The following GOLPH3 variants were observed in gnomAD, a reference collection of about 807,000 sequenced individuals.
GOLPH3 encodes coat protein GPP34.
In GOLPH3, 14 loss-of-function variants were observed where a neutral mutation model predicts 28.5. The observed-to-expected ratio is 0.49, with a 90% CI of 0.32 to 0.77. The LOEUF is 0.77. GOLPH3 is among the 30% of genes least tolerant of loss of function. The pLI is 0.03. For synonymous variants in GOLPH3, 158 were observed against 159.2 expected, an observed-to-expected ratio of 0.99 and a Z score of 0.06; for missense variants, 350 against 393.7, an observed-to-expected ratio of 0.89 and a Z score of 0.94.
intron 2 of GOLPH3, among the ~76,000 whole-genome samples, chr5:32,142,554 T>G: frequency 7.6e-6 from 1 of 130,752 alleles, no homozygotes; most frequent in Non-Finnish European, 1.6e-5. Flanking sequence ...TACTGGGAAG[T>G]GAGGAGCCAC....
chr5:32,174,137 C>A lies in GOLPH3; in HGVS notation c.-103G>T. The A allele has an allele frequency of 2.6e-6, 2 of 783,588 alleles. No individual in the cohort carries two copies. The highest frequency in any genetic ancestry group is 3.4e-6 in the Non-Finnish European group (2 of 581,570). The allele number at this position is 783,588 out of a possible 1,614,324, so 48.5% of individuals were successfully genotyped here. ...TCCGATCCGGGTTTCCGTGTTAAAT[C>A]CGGACGCCGGGGCGACGTCCGTCGG... On this transcript the variant is annotated 5_prime_UTR_variant, in exon 1 of 4. Coordinates refer to ENST00000265070, the MANE Select transcript of GOLPH3 (RefSeq NM_022130.4).
rs1261976964 is a variant in GOLPH3 at position 32,125,357 on chromosome 5, A to G, written c.*855T>C. 6.5e-6 allele frequency: 1 copy of G among 152,678 alleles called. No individual in the cohort carries two copies. The highest frequency in any genetic ancestry group is 1.5e-5 in the Non-Finnish European group (1 of 68,048). The allele number at this position is 152,678 out of a possible 1,614,324, so 9.5% of individuals were successfully genotyped here. ...ATAGGCAAAGAGTACCATAAATGGCACAGCTCAAAAAATCCCAGGACCAAT... is the reference window on the plus strand; with the variant it reads ...ATAGGCAAAGAGTACCATAAATGGCGCAGCTCAAAAAATCCCAGGACCAAT... On this transcript the variant is annotated 3_prime_UTR_variant, in exon 4 of 4. Coordinates refer to ENST00000265070, the MANE Select transcript of GOLPH3 (RefSeq NM_022130.4).
chr5:32,145,963 G>C (rs1746172778), intron 1 of GOLPH3, among the ~76,000 whole-genome samples: 1 of 152,088 alleles, frequency 6.6e-6, no homozygotes, highest in Non-Finnish European at 1.5e-5. Context: ...ATACCCTCCT[G>C]CTAAAATCCA....
At chr5:32,152,290 C>T (rs745456213) in intron 1 of GOLPH3, among the ~76,000 whole-genome samples, 10 of 151,722 alleles carry the variant, frequency 6.6e-5, no homozygotes, top group South Asian at 6.3e-4. Context: ...CCATGCCCGG[C>T]TAATTATTCT....
At chr5:32,159,279 T>G (rs1210571474) in intron 1 of GOLPH3, among the ~76,000 whole-genome samples, 1 of 152,258 alleles carries the variant, frequency 6.6e-6, no homozygotes, top group East Asian at 1.9e-4. Context: ...GACCTAAGTC[T>G]AAATACAAAA....
intron 1 of GOLPH3, among the ~76,000 whole-genome samples, chr5:32,156,923 A>G (rs1005553224): frequency 6.6e-6 from 1 of 152,226 alleles, no homozygotes; most frequent in Non-Finnish European, 1.5e-5. Flanking sequence ...ACAGCAGCCC[A>G]AATAAACTAA....
chr5:32,153,433 A>C (rs1023392146), intron 1 of GOLPH3, among the ~76,000 whole-genome samples: 3 of 151,736 alleles, frequency 2.0e-5, no homozygotes, highest in Non-Finnish European at 4.4e-5. Context: ...AAAAAAAAAA[A>C]CTCCTGAAGA....
chr5:32,170,919 C>T (rs1177365654), intron 1 of GOLPH3, among the ~76,000 whole-genome samples: 1 of 152,004 alleles, frequency 6.6e-6, no homozygotes, highest in Non-Finnish European at 1.5e-5. Flanking sequence ...GAAAAAATTT[C>T]CCCATGTGGT....
chr5:32,141,500 C>A (rs1310779228), intron 2 of GOLPH3, among the ~76,000 whole-genome samples: 1 of 152,208 alleles, frequency 6.6e-6, no homozygotes, highest in Non-Finnish European at 1.5e-5. Context: ...ATAGCCTATG[C>A]GTAAATTGCA....
Position 32,163,034 on chromosome 5 carries a change from C to T in GOLPH3, c.225+10776G>A, listed in dbSNP as rs181343616. ...CAGAGCTTGCAGTGAGCCAAGATTG[C>T]ACCACTGCACTCCAGCCTGGGTGAC... On this transcript the variant is annotated intron_variant, in intron 1 of 3. Transcript: ENST00000265070. Among the ~76,000 whole-genome samples, 7 of 152,226 alleles carry T rather than the reference C, an allele frequency of 4.6e-5. No homozygotes were observed. The East Asian group carries it at 1.4e-3, about 29-fold the overall frequency.
At chr5:32,159,993 G>T (rs1438781079) in intron 1 of GOLPH3, among the ~76,000 whole-genome samples, 1 of 152,118 alleles carries the variant, frequency 6.6e-6, no homozygotes, top group Non-Finnish European at 1.5e-5. Flanking sequence ...TTAGATACTG[G>T]CCTCTGCATT....
At chr5:32,163,235 A>G (rs1374759033) in intron 1 of GOLPH3, among the ~76,000 whole-genome samples, 1 of 152,248 alleles carries the variant, frequency 6.6e-6, no homozygotes, top group African/African-American at 2.4e-5. Flanking sequence ...CATCCTCCCT[A>G]TGTACATCCT....
At position 32,143,753 on chromosome 5, in the gene GOLPH3, CTTG is replaced by C; in HGVS notation, c.350_352del (p.Thr117del). The C allele has an allele frequency of 1.2e-6, 2 of 1,607,928 alleles. No individual in the cohort carries two copies. The highest frequency in any genetic ancestry group is 1.1e-5 in the South Asian group (1 of 89,542). ...GTTACTCAGCACTCCTCTTACCTTT[CTTG>C]TTAATAGACTTTTACGTCTCATTCC... On this transcript the variant is annotated inframe_deletion, in exon 2 of 4. Coordinates refer to ENST00000265070, the MANE Select transcript of GOLPH3 (RefSeq NM_022130.4).
intron 1 of GOLPH3, among the ~76,000 whole-genome samples, chr5:32,160,507 C>T (rs778142346): frequency 6.6e-6 from 1 of 152,162 alleles, no homozygotes; most frequent in Non-Finnish European, 1.5e-5. Context: ...ATAATAATTA[C>T]AATTTCAATG....
chr5:32,140,211 A>T (rs1440569838), intron 2 of GOLPH3, among the ~76,000 whole-genome samples: 1 of 152,098 alleles, frequency 6.6e-6, no homozygotes, highest in Non-Finnish European at 1.5e-5. Context: ...AAGATTGAAA[A>T]AACAGAAGGA....
At chr5:32,150,750 A>G (rs1050494881) in intron 1 of GOLPH3, among the ~76,000 whole-genome samples, 2 of 152,108 alleles carry the variant, frequency 1.3e-5, no homozygotes, top group Admixed American at 6.5e-5. Context: ...TCCAATGAGC[A>G]TTTTCTTTGA....
intron 1 of GOLPH3, among the ~76,000 whole-genome samples, chr5:32,160,884 A>G (rs1027842728): frequency 2.0e-5 from 3 of 151,928 alleles, no homozygotes; most frequent in Admixed American, 6.6e-5. Flanking sequence ...TGGCTAACAC[A>G]GTGAAACCCC....
intron 1 of GOLPH3, among the ~76,000 whole-genome samples, chr5:32,159,348 T>A (rs1746524813): frequency 6.6e-6 from 1 of 152,244 alleles, no homozygotes; most frequent in South Asian, 2.1e-4. Flanking sequence ...TACACAATAT[T>A]TTAAATAGTT....
chr5:32,158,017 AT>A (rs1237149755), intron 1 of GOLPH3, among the ~76,000 whole-genome samples: 1 of 51,566 alleles, frequency 1.9e-5, no homozygotes, highest in Non-Finnish European at 3.5e-5. Flanking sequence ...AAATAAATAA[AT>A]AAAATACACA....
Sources: gnomAD v4.1 joint callset for allele counts (sites outside exome capture counted in the v4.1 genomes callset) on GRCh38, gnomAD v4.1.1 for gene constraint, MANE v1.5 for transcripts, NCBI Gene and HGNC (gene_info 2026-07-23, HGNC 2026-07-21) for gene names.